The following SMYD3 variants were observed in gnomAD, a reference collection of about 807,000 sequenced individuals.
The protein encoded by SMYD3 is histone-lysine N-methyltransferase SMYD3.
In SMYD3, 36 loss-of-function variants were observed where a neutral mutation model predicts 57.7. The observed-to-expected ratio is 0.62, with a 90% CI of 0.48 to 0.82. The LOEUF (loss-of-function observed/expected upper bound fraction) is 0.82, where lower values mean the gene tolerates loss of function less well. Among genes scored for constraint, SMYD3 ranks in the 40% least tolerant of loss-of-function variants. The probability of loss-of-function intolerance (pLI) is 0.00; values close to 1 mark genes in which losing one functional copy is unlikely to be tolerated. For synonymous variants in SMYD3, 211 were observed against 195.0 expected, an observed-to-expected ratio of 1.08 and a Z score of -0.68; for missense variants, 515 against 538.8, an observed-to-expected ratio of 0.96 and a Z score of 0.44.
intron 5 of SMYD3, among the ~76,000 whole-genome samples, chr1:246,040,802 CAT>C (rs2059856873): frequency 6.6e-6 from 1 of 152,210 alleles, no homozygotes; most frequent in Non-Finnish European, 1.5e-5. Context: ...GATTGTAACA[CAT>C]CTTAATATTT....
chr1:246,241,168 C>T (rs983903993), intron 5 of SMYD3, among the ~76,000 whole-genome samples: 33 of 152,094 alleles, frequency 2.2e-4, no homozygotes, highest in Non-Finnish European at 4.7e-4. Flanking sequence ...CTGTCTTGTG[C>T]CAGTTTTCAA....
chr1:245,817,282 GGCACACTGACACC>G (rs1275513539), intron 10 of SMYD3, among the ~76,000 whole-genome samples: 3,310 of 143,018 alleles, frequency 0.023, 182 homozygotes, highest in African/African-American at 0.085. Context: ...CCCCAGCAGG[GGCACACTGACACC>G]TCACATGGCA....
At chr1:245,773,093 A>G (rs1005883878) in intron 10 of SMYD3, among the ~76,000 whole-genome samples, 4 of 148,788 alleles carry the variant, frequency 2.7e-5, no homozygotes, top group Non-Finnish European at 6.0e-5. Flanking sequence ...GAATCACTAA[A>G]AAAAAAAAAA....
intron 5 of SMYD3, among the ~76,000 whole-genome samples, chr1:246,075,935 T>C (rs1481005628): frequency 1.3e-5 from 1 of 78,202 alleles, no homozygotes; most frequent in African/African-American, 5.9e-5. Flanking sequence ...CAGAGACATA[T>C]AGCAAGAAAA....
intron 5 of SMYD3, among the ~76,000 whole-genome samples, chr1:246,263,308 CAG>C (rs2064044866): frequency 6.6e-6 from 1 of 151,660 alleles, no homozygotes; most frequent in African/African-American, 2.4e-5. Context: ...ACTGTGCACT[CAG>C]AGATTATGGT....
At chr1:245,865,333 A>G (rs2051776666) in intron 8 of SMYD3, among the ~76,000 whole-genome samples, 1 of 152,220 alleles carries the variant, frequency 6.6e-6, no homozygotes, top group Admixed American at 6.5e-5. Context: ...ATACTAAAAA[A>G]TAATAATAAA....
intron 5 of SMYD3, 156 bp downstream of exon 5, chr1:246,327,044 AT>A: frequency 1.2e-6 from 1 of 832,274 alleles, no homozygotes; most frequent in East Asian, 2.5e-5. Context: ...CACACAATAC[AT>A]TCTCTCATGC....
At chr1:245,933,786 T>C (rs2147863317) in intron 5 of SMYD3, among the ~76,000 whole-genome samples, 1 of 152,334 alleles carries the variant, frequency 6.6e-6, no homozygotes, top group Admixed American at 6.5e-5. Context: ...GGCTTTGTAT[T>C]GTAGCAGCAG....
intron 1 of SMYD3, among the ~76,000 whole-genome samples, chr1:246,381,170 G>T (rs1047633044): frequency 1.3e-5 from 2 of 152,122 alleles, no homozygotes; most frequent in South Asian, 4.2e-4. Flanking sequence ...AGTCTTAAAG[G>T]ACTTACTCTC....
chr1:245,940,345 A>G (rs773309704), intron 5 of SMYD3, among the ~76,000 whole-genome samples: 3 of 152,128 alleles, frequency 2.0e-5, no homozygotes, highest in Admixed American at 1.3e-4. Flanking sequence ...AGACCTCCCA[A>G]CTGGGGTCAC....
intron 5 of SMYD3, among the ~76,000 whole-genome samples, chr1:246,151,576 T>G (rs190265650): frequency 6.6e-6 from 1 of 152,206 alleles, no homozygotes; most frequent in Non-Finnish European, 1.5e-5. Flanking sequence ...ACCTAGCCTA[T>G]AGTGTCACAT....
At chr1:245,872,851 G>A (rs1289533703) in intron 8 of SMYD3, among the ~76,000 whole-genome samples, 1 of 152,174 alleles carries the variant, frequency 6.6e-6, no homozygotes, top group Non-Finnish European at 1.5e-5. Context: ...CATAGCTTCT[G>A]GGAAACGGAG....
intron 10 of SMYD3, among the ~76,000 whole-genome samples, chr1:245,821,770 T>G (rs2148341690): frequency 6.6e-6 from 1 of 152,208 alleles, no homozygotes; most frequent in South Asian, 2.1e-4. Context: ...AGAAGACATT[T>G]ATGCAGCCAA....
chr1:246,083,000 C>T (rs2060662409), intron 5 of SMYD3, among the ~76,000 whole-genome samples: 1 of 147,538 alleles, frequency 6.8e-6, no homozygotes, highest in African/African-American at 2.6e-5. Context: ...GGGACCTCTG[C>T]CTACGAAAGC....
chr1:246,269,064 C>T (rs1449632110), intron 5 of SMYD3, among the ~76,000 whole-genome samples: 1 of 152,062 alleles, frequency 6.6e-6, no homozygotes, highest in Non-Finnish European at 1.5e-5. Context: ...TAAATAAAAT[C>T]TCTCCCTTTT....
At chr1:245,931,484 CA>C (rs1228910270) in intron 5 of SMYD3, among the ~76,000 whole-genome samples, 1 of 152,134 alleles carries the variant, frequency 6.6e-6, no homozygotes, top group African/African-American at 2.4e-5. Flanking sequence ...AATTTGGTTA[CA>C]GGGAGTTGAG....
intron 10 of SMYD3, among the ~76,000 whole-genome samples, chr1:245,821,033 T>C (rs1465368335): frequency 6.6e-6 from 1 of 150,794 alleles, no homozygotes; most frequent in Non-Finnish European, 1.5e-5. Flanking sequence ...TTCACAGAAT[T>C]GGAAAAAAAC....
chr1:246,313,281 A>G (rs1558395190), intron 5 of SMYD3, among the ~76,000 whole-genome samples: 1 of 152,166 alleles, frequency 6.6e-6, no homozygotes, highest in Non-Finnish European at 1.5e-5. Flanking sequence ...TTCTTATTAC[A>G]GAAGACTTTT....
At chr1:246,471,781 G>A (rs1375549378) in intron 1 of SMYD3, among the ~76,000 whole-genome samples, 2 of 152,110 alleles carry the variant, frequency 1.3e-5, no homozygotes, top group African/African-American at 4.8e-5. Context: ...CATTTGCATA[G>A]AAAGAAGTTT....
Sources: gnomAD v4.1 joint callset for allele counts (sites outside exome capture counted in the v4.1 genomes callset) on GRCh38, gnomAD v4.1.1 for gene constraint, MANE v1.5 for transcripts, NCBI Gene and HGNC (gene_info 2026-07-23, HGNC 2026-07-21) for gene names.